The following PSG6 variants were observed in gnomAD, a reference collection of about 807,000 sequenced individuals.
PSG6 encodes the protein pregnancy-specific beta-1-glycoprotein 6.
Under a neutral mutation model 43.3 loss-of-function variants are expected in PSG6, and 51 were observed. The observed-to-expected ratio is 1.18, with a 90% CI of 0.94 to 1.49. The LOEUF (loss-of-function observed/expected upper bound fraction) is 1.49. Among genes scored for constraint, PSG6 ranks in the 40% most tolerant of loss-of-function variants. The pLI is 0.00. For synonymous variants in PSG6, 292 were observed against 197.6 expected (o/e 1.48, Z -4.01); for missense variants, 770 against 522.2 (o/e 1.47, Z -4.62).
Position 42,917,696 on chromosome 19 carries a change from C to T in PSG6, c.64+33G>A, listed in dbSNP as rs759532108. 6.2e-6 allele frequency: 10 copies of T among 1,606,112 alleles called. 1 individual carries two copies. Among genetic ancestry groups the T allele is most frequent in the Admixed American group, 3.3e-5 (2 of 59,748 alleles). On this transcript the variant is annotated intron_variant, in intron 1 of 5. Transcript: ENST00000187910. ...CCCCATCCAGTCACTCTGCTTCCTC[C>T]TCCTGTCCTCTCCCAGGAAGTCCTC...
At chr19:42,914,956 T>C (rs1043723732) in intron 2 of PSG6, among the ~76,000 whole-genome samples, 16 of 151,592 alleles carry the variant, frequency 1.1e-4, no homozygotes, top group African/African-American at 3.6e-4. Context: ...ACTCTGGCGG[T>C]TGAAGCCAGT....
At position 42,917,826 on chromosome 19, in the gene PSG6, G is replaced by C. The variant is rs778741923; in HGVS notation, c.-34C>G. 15 of 1,599,978 alleles carry C rather than the reference G, an allele frequency of 9.4e-6. 1 individual carries two copies. The highest frequency in any genetic ancestry group is 9.0e-5 in the South Asian group (8 of 89,270). On this transcript the variant is annotated 5_prime_UTR_variant, in exon 1 of 6. The change creates a new upstream start codon in the 5' untranslated region. Transcript: ENST00000187910. Reference sequence around the variant, plus strand: ...CTGTCTGTGTGTTCTCCCCTGTGGAGATGAGCCTAGGATCCAGAGACTTCC... The same window carrying C: ...CTGTCTGTGTGTTCTCCCCTGTGGACATGAGCCTAGGATCCAGAGACTTCC...
At chr19:42,906,584 C>G in intron 5 of PSG6, 1 of 1,331,354 alleles carries the variant, frequency 7.5e-7, no homozygotes, top group East Asian at 2.6e-5. Flanking sequence ...AAAGACATGG[C>G]AGAAGGGGAT....
intron 3 of PSG6, 92 bp from the exon 4 acceptor site, chr19:42,907,946 C>A: frequency 4.6e-6 from 7 of 1,523,738 alleles, no homozygotes; most frequent in South Asian, 1.2e-5. Context: ...ACCTGTCAAC[C>A]CACATGAGTC....
chr19:42,914,206 G>C (rs1600548694), intron 2 of PSG6, among the ~76,000 whole-genome samples: 1 of 151,318 alleles, frequency 6.6e-6, no homozygotes. Context: ...TAGTGACCTG[G>C]GGACATTGGC....
intron 5 of PSG6, among the ~76,000 whole-genome samples, chr19:42,906,321 A>T (rs1415450814): frequency 6.6e-6 from 1 of 151,420 alleles, no homozygotes; most frequent in Non-Finnish European, 1.5e-5. Flanking sequence ...GCTTGGCTTC[A>T]ACTGGCAGCT....
chr19:42,910,915 G>C, intron 2 of PSG6, 57 bp from the exon 3 acceptor site: 1 of 1,544,044 alleles, frequency 6.5e-7, no homozygotes, highest in Non-Finnish European at 8.7e-7. Context: ...TCCTCCAAAG[G>C]CATTTTTCAA....
At chr19:42,915,209 G>A (rs1446513359) in intron 2 of PSG6, 1 of 150,878 alleles carries the variant, frequency 6.6e-6, no homozygotes, top group African/African-American at 2.4e-5. Flanking sequence ...CTGTGCCTCA[G>A]TTTTCTCTCA....
Position 42,916,443 on chromosome 19 carries a change from T to C in PSG6, c.109A>G (p.Ile37Val), listed in dbSNP as rs1248482633. 1 of 1,611,926 alleles carries C rather than the reference T, an allele frequency of 6.2e-7. No individual in the cohort carries two copies. The highest frequency in any genetic ancestry group is 8.5e-7 in the Non-Finnish European group (1 of 1,179,006). ...FWNLPTTAQVIIEAKPPKVSE... is the reference protein window; with the variant it reads ...FWNLPTTAQVVIEAKPPKVSE... ...ACTTTGGGTGGCTTGGCTTCAATTA[T>C]TACTTGGGCAGTGGTGGGCAGGTTC... Residue 37 changes from isoleucine to valine, a missense_variant, in exon 2 of 6, where the codon ATA (isoleucine) becomes GTA (valine). Coordinates refer to ENST00000187910, the MANE Select transcript of PSG6 (RefSeq NM_001031850.4).
chr19:42,902,319 A>G lies in PSG6; in HGVS notation c.*93T>C, dbSNP rs1406936087. The G allele has an allele frequency of 8.0e-6, 11 of 1,381,290 alleles. No homozygotes were observed. The highest frequency in any genetic ancestry group is 1.8e-4 in the Middle Eastern group (1 of 5,472). 85.6% of individuals were successfully genotyped at this position (1,381,290 alleles called of 1,614,324 possible). A position where few individuals can be genotyped will look rare whatever the true frequency, so the allele number is the denominator to read the frequency against. ...GAAAACATTATCCTTTTGATTATTT[A>G]GTCCAATAACATTGAGTTTTTTTCT... On this transcript the variant is annotated 3_prime_UTR_variant, in exon 6 of 6. Coordinates refer to ENST00000187910, the MANE Select transcript of PSG6 (RefSeq NM_001031850.4).
chr19:42,916,065 T>C, intron 2 of PSG6, 60 bp downstream of exon 2: 1 of 1,600,808 alleles, frequency 6.2e-7, no homozygotes, highest in South Asian at 1.1e-5. Context: ...CAATTCTGTG[T>C]GTGTGAAGTA....
rs761974675 is a variant in PSG6 at position 42,907,857 on chromosome 19, G to T, written c.707-3C>A. On this transcript the variant is annotated splice_region_variant and splice_polypyrimidine_tract_variant and intron_variant, in intron 3 of 5. Coordinates refer to ENST00000187910, the MANE Select transcript of PSG6 (RefSeq NM_001031850.4). ...GATGTAAGGCATGGGCAGCTTCGCT[G>T]TGTGGATAACAGAAGATTGTCCTGT... The T allele has an allele frequency of 1.1e-5, 18 of 1,610,402 alleles. No individual in the cohort carries two copies. Among genetic ancestry groups the T allele is most frequent in the African/African-American group, 1.4e-5 (1 of 73,608 alleles).
At chr19:42,904,662 C>A (rs186269132) in intron 5 of PSG6, among the ~76,000 whole-genome samples, 144 of 151,710 alleles carry the variant, frequency 9.5e-4, no homozygotes, top group African/African-American at 3.5e-3. Context: ...AATTGAAAGA[C>A]ATTTTGTGTT....
At chr19:42,907,998 T>C (rs1225853663) in intron 3 of PSG6, 144 bp from the exon 4 acceptor site, 15 of 1,288,942 alleles carry the variant, frequency 1.2e-5, no homozygotes, top group African/African-American at 2.9e-5. Context: ...AAGACAGATG[T>C]ATGATGATCT....
rs756566355 is a variant in PSG6 at position 42,916,262 on chromosome 19, C to T, written c.290G>A (p.Arg97Gln). ...GGATGCATTGGAATATACTGTTTCTCGTCCACTGTAGGCAGGCCCATATAT... is the reference window on the plus strand; with the variant it reads ...GGATGCATTGGAATATACTGTTTCTTGTCCACTGTAGGCAGGCCCATATAT... ...QIIYGPAYSG[R>Q]ETVYSNASLL... Residue 97 changes from arginine to glutamine, a missense_variant, in exon 2 of 6, where the codon CGA becomes CAA. Transcript: ENST00000187910. 1.7e-5 allele frequency: 28 copies of T among 1,612,164 alleles called. 1 individual carries two copies. Among genetic ancestry groups the T allele is most frequent in the Non-Finnish European group, 2.1e-5 (25 of 1,179,102 alleles).
Position 42,902,214 on chromosome 19 carries a change from C to G in PSG6, c.*198G>C. ...TTTTGTTTACAAAAGTATACTTTAC[C>G]AATTGCTGAAGAAAAAAAGTTCATA... On this transcript the variant is annotated 3_prime_UTR_variant, in exon 6 of 6. Transcript: ENST00000187910. The G allele has an allele frequency of 3.1e-6, 2 of 648,338 alleles. No homozygotes were observed. The highest frequency in any genetic ancestry group is 5.0e-6 in the Non-Finnish European group (2 of 401,928). 40.2% of individuals were successfully genotyped at this position (648,338 alleles called of 1,614,324 possible).
intron 3 of PSG6, chr19:42,909,574 C>T (rs919461690): frequency 1.3e-5 from 2 of 151,614 alleles, no homozygotes; most frequent in South Asian, 2.1e-4. Flanking sequence ...ATATTGATAT[C>T]GTCTTTAATT....
In PSG6 at chr19:42,908,884, A is replaced by T. The variant is rs911114590; in HGVS notation, c.707-1030T>A. On this transcript the variant is annotated intron_variant, in intron 3 of 5. Coordinates refer to ENST00000187910, the MANE Select transcript of PSG6 (RefSeq NM_001031850.4). ...ATTGAATATGAGACGAGGCTGCTGGAAGCCAGGAGCTGGGAGTGGGGAGAA... is the reference window on the plus strand; with the variant it reads ...ATTGAATATGAGACGAGGCTGCTGGTAGCCAGGAGCTGGGAGTGGGGAGAA... Among the ~76,000 whole-genome samples, 43 of 151,698 alleles carry T rather than the reference A, an allele frequency of 2.8e-4. 2 individuals are homozygous for T. The highest frequency in any genetic ancestry group is 7.9e-4 in the Admixed American group (12 of 15,172).
Position 42,916,407 on chromosome 19 carries a change from TC to T in PSG6, c.144del (p.Lys49ArgfsTer24), listed in dbSNP as rs1156985726. On this transcript the variant is annotated frameshift_variant, in exon 2 of 6. Coordinates refer to ENST00000187910, the MANE Select transcript of PSG6 (RefSeq NM_001031850.4). LOFTEE classifies it high-confidence loss of function. The stretch of plus-strand genomic sequence containing the variant: ...TTGTGGACAAGTAGAAGAACATCCT[TC>T]CCCTCGGAAACTTTGGGTGGCTTGG... ...IEAKPPKVSE[G>X]KDVLLLVHNL... 1 of 1,611,946 alleles carries T rather than the reference TC, an allele frequency of 6.2e-7. No individual in the cohort carries two copies. The highest frequency in any genetic ancestry group is 8.5e-7 in the Non-Finnish European group (1 of 1,179,106).
Sources: gnomAD v4.1 joint callset for allele counts (sites outside exome capture counted in the v4.1 genomes callset) on GRCh38, gnomAD v4.1.1 for gene constraint, MANE v1.5 for transcripts, NCBI Gene and HGNC (gene_info 2026-07-23, HGNC 2026-07-21) for gene names.